The following NUP155 variants were observed in gnomAD, a reference collection of about 807,000 sequenced individuals.
NUP155 encodes nucleoporin 155.
A neutral mutation model predicts 180.4 loss-of-function variants in NUP155; 71 were observed. The ratio of observed to expected loss-of-function variants is 0.39; its 90% CI spans 0.33 to 0.48. The LOEUF (loss-of-function observed/expected upper bound fraction) is 0.48. Among genes scored for constraint, NUP155 ranks in the 20% least tolerant of loss-of-function variants. The probability of loss-of-function intolerance (pLI) is 0.91; values close to 1 mark genes in which losing one functional copy is unlikely to be tolerated. For missense variants in NUP155, 1,553 were observed against 1,648.9 expected (o/e 0.94, Z 1.01); for synonymous variants, 582 against 559.5 (o/e 1.04, Z -0.57).
chr5:37,348,268 C>T (rs1473173554), intron 9 of NUP155, among the ~76,000 whole-genome samples: 1 of 151,998 alleles, frequency 6.6e-6, no homozygotes, highest in East Asian at 1.9e-4. Flanking sequence ...TGTGTCACTG[C>T]ACTCCAGCCT....
At position 37,307,451 on chromosome 5, in the gene NUP155, A is replaced by G. The variant is rs777073976; in HGVS notation, c.2768-19T>C. Reference sequence around the variant, plus strand: ...AATCTCACTGATGGGAAAGAAAAGAATGAAGACCTATGACTTACTACTAAG... The same window carrying G: ...AATCTCACTGATGGGAAAGAAAAGAGTGAAGACCTATGACTTACTACTAAG... On this transcript the variant is annotated intron_variant, in intron 24 of 34. Coordinates refer to ENST00000231498, the MANE Select transcript of NUP155 (RefSeq NM_153485.3). 15 of 1,613,004 alleles carry G rather than the reference A, an allele frequency of 9.3e-6. No homozygotes were observed. The Admixed American group carries it at 2.5e-4, about 27-fold the overall frequency.
chr5:37,350,074 A>C, intron 7 of NUP155, 86 bp downstream of exon 7: 1 of 935,540 alleles, frequency 1.1e-6, no homozygotes. Flanking sequence ...TGTTTCAATT[A>C]AGAATGATAA....
Position 37,302,818 on chromosome 5 carries a change from G to A in NUP155, c.3408C>T (p.Ala1136=), listed in dbSNP as rs369927804. 96 of 1,612,916 alleles carry A rather than the reference G, an allele frequency of 6.0e-5. No individual in the cohort carries two copies. Among genetic ancestry groups the A allele is most frequent in the Non-Finnish European group, 7.0e-5 (82 of 1,179,366 alleles). The part of the protein sequence containing the change: ...KSSTAISSIA[A]DGEFLHELEE... ...CTAATTCATGAAGAAATTCACCATC[G>A]GCAGCTATTGATGAAATGGCAGTGG... The change falls in exon 29 of 35, where the codon GCC becomes GCT. Residue 1136 remains alanine (A), a synonymous_variant. Transcript: ENST00000231498.
rs77144825 is a variant in NUP155, at chr5:37,302,969, C to T, written c.3318-61G>A. On this transcript the variant is annotated intron_variant, in intron 28 of 34. Transcript: ENST00000231498. ...TTCTTAAGGATTGATGATACAAATACGTCAATTAGTATGTACTGTTTCATA... is the reference window on the plus strand; with the variant it reads ...TTCTTAAGGATTGATGATACAAATATGTCAATTAGTATGTACTGTTTCATA... The T allele has an allele frequency of 2.4e-3, 3,620 of 1,536,216 alleles. 63 individuals carry two copies. In the African/African-American group the frequency reaches 0.044, roughly 19 times the overall value.
chr5:37,319,057 T>C (rs10078655), intron 20 of NUP155, among the ~76,000 whole-genome samples: 2,035 of 152,194 alleles, frequency 0.013, 42 homozygotes, highest in African/African-American at 0.046. Context: ...ATCTCAAACA[T>C]GAGCCCCCAA....
At chr5:37,351,500 G>GA in intron 5 of NUP155, 144 bp from the exon 6 acceptor site, 1 of 590,754 alleles carries the variant, frequency 1.7e-6, no homozygotes, top group Non-Finnish European at 2.9e-6. Context: ...CAGGCTGGGT[G>GA]CAGTGGCCCG....
chr5:37,361,075 C>T (rs946007388), intron 3 of NUP155, among the ~76,000 whole-genome samples: 3 of 151,810 alleles, frequency 2.0e-5, no homozygotes, highest in African/African-American at 7.3e-5. Context: ...TCAAGACCAG[C>T]CTAGTCAATA....
chr5:37,350,262 C>G lies in NUP155; in HGVS notation c.727G>C (p.Glu243Gln). 6.2e-7 allele frequency: 1 copy of G among 1,611,128 alleles called. No individual in the cohort carries two copies. The highest frequency in any genetic ancestry group is 8.5e-7 in the Non-Finnish European group (1 of 1,177,476). ...CATCTTTGGCTAAACCACCCTGCTTCAGCCTTAAAGAAAAAAGTAGAAAGA... is the reference window on the plus strand; with the variant it reads ...CATCTTTGGCTAAACCACCCTGCTTGAGCCTTAAAGAAAAAAGTAGAAAGA... ...GCLYEVAYQAEAGWFSQRCRK... is the reference protein window; with the variant it reads ...GCLYEVAYQAQAGWFSQRCRK... The change falls in exon 7 of 35, where the codon GAA becomes CAA. Residue 243 changes from glutamate to glutamine, a missense_variant. Transcript: ENST00000231498.
At chr5:37,319,040 C>T (rs560054296) in intron 20 of NUP155, among the ~76,000 whole-genome samples, 4 of 152,126 alleles carry the variant, frequency 2.6e-5, no homozygotes, top group Non-Finnish European at 5.9e-5. Flanking sequence ...TACATCCTAC[C>T]ACATAAATCT....
chr5:37,370,556 A>C lies in NUP155; in HGVS notation c.157+265T>G, dbSNP rs1347841901. 22 of 934,748 alleles carry C rather than the reference A, an allele frequency of 2.4e-5. No individual in the cohort carries two copies. In the South Asian group the frequency reaches 3.0e-4, roughly 13 times the overall value. The allele number at this position is 934,748 out of a possible 1,614,324, so 57.9% of individuals were successfully genotyped here. A position where few individuals can be genotyped will look rare whatever the true frequency, so the allele number is the denominator to read the frequency against. On this transcript the variant is annotated intron_variant, in intron 1 of 34. Coordinates refer to ENST00000231498, the MANE Select transcript of NUP155 (RefSeq NM_153485.3). Reference sequence around the variant, plus strand: ...GCCATAAGCACTTGAGAGCGGCGAGAAGCTCATTAAGGTTGAGGTCTTTGC... The same window carrying C: ...GCCATAAGCACTTGAGAGCGGCGAGCAGCTCATTAAGGTTGAGGTCTTTGC...
At chr5:37,361,265 CAAAAAAAAAA>C (rs35489900) in intron 3 of NUP155, among the ~76,000 whole-genome samples, 22,655 of 78,236 alleles carry the variant, frequency 0.29, 1,946 homozygotes, top group South Asian at 0.34. Context: ...GACTCTGTCT[CAAAAAAAAAA>C]AAAAAAAAAA....
intron 9 of NUP155, among the ~76,000 whole-genome samples, chr5:37,343,192 A>C (rs1165685301): frequency 6.6e-6 from 1 of 151,816 alleles, no homozygotes; most frequent in African/African-American, 2.4e-5. Flanking sequence ...CTCCTGCCTC[A>C]GCCTCCCAAG....
chr5:37,352,476 T>C (rs1380048143), intron 5 of NUP155, among the ~76,000 whole-genome samples: 1 of 152,126 alleles, frequency 6.6e-6, no homozygotes, highest in African/African-American at 2.4e-5. Flanking sequence ...AGGCAGAGGA[T>C]GCGGTAAGCC....
chr5:37,351,120 CAAAAT>C (rs1245015119), intron 6 of NUP155, 65 bp downstream of exon 6: 14 of 1,235,146 alleles, frequency 1.1e-5, no homozygotes, highest in Non-Finnish European at 1.3e-5. Flanking sequence ...AATTAGAAAA[CAAAAT>C]AAAGGCTTAT....
intron 20 of NUP155, among the ~76,000 whole-genome samples, chr5:37,323,585 C>G (rs1465283090): frequency 6.7e-6 from 1 of 149,914 alleles, no homozygotes; most frequent in Non-Finnish European, 1.5e-5. Context: ...AACTATATTT[C>G]TATAAATATT....
chr5:37,345,510 CAAA>C (rs570982659), intron 9 of NUP155, among the ~76,000 whole-genome samples: 2 of 67,118 alleles, frequency 3.0e-5, no homozygotes. Flanking sequence ...GACTCCATTT[CAAA>C]AAAAAAAAAA....
chr5:37,353,316 T>C (rs1581202818), intron 4 of NUP155, among the ~76,000 whole-genome samples: 1 of 151,922 alleles, frequency 6.6e-6, no homozygotes, highest in East Asian at 1.9e-4. Context: ...GTAAGAAAGT[T>C]GGCCGGGCAC....
rs1460068851 is a variant in NUP155 at position 37,302,918 on chromosome 5, A to C, written c.3318-10T>G. 6.2e-7 allele frequency: 1 copy of C among 1,613,924 alleles called. No homozygotes were observed. Among genetic ancestry groups the C allele is most frequent in the East Asian group, 2.2e-5 (1 of 44,862 alleles). ...AAGTGAAATTTCTGTGCTAGAAGGG[A>C]AAACGCTTATTTTTAGTTACACAAT... On this transcript the variant is annotated splice_polypyrimidine_tract_variant and intron_variant, in intron 28 of 34. Transcript: ENST00000231498.
chr5:37,296,548 G>A (rs1742586922), intron 32 of NUP155, among the ~76,000 whole-genome samples: 1 of 139,232 alleles, frequency 7.2e-6, no homozygotes, highest in Admixed American at 7.3e-5. Context: ...CACAAACGCT[G>A]CGGAAGGCAG....
Sources: gnomAD v4.1 joint callset for allele counts (sites outside exome capture counted in the v4.1 genomes callset) on GRCh38, gnomAD v4.1.1 for gene constraint, MANE v1.5 for transcripts, NCBI Gene and HGNC (gene_info 2026-07-23, HGNC 2026-07-21) for gene names.